The following DLGAP2 variants were observed in gnomAD, a reference collection of about 807,000 sequenced individuals.
The protein encoded by DLGAP2 is disks large-associated protein 2.
In DLGAP2, 26 loss-of-function variants were observed where a neutral mutation model predicts 100.3. The ratio of observed to expected loss-of-function variants is 0.26; its 90% confidence interval spans 0.19 to 0.36. The LOEUF (loss-of-function observed/expected upper bound fraction) is 0.36, where lower values mean the gene tolerates loss of function less well. Among genes scored for constraint, DLGAP2 ranks in the 10% least tolerant of loss-of-function variants. The probability of loss-of-function intolerance (pLI) is 1.00; values close to 1 mark genes in which losing one functional copy is unlikely to be tolerated. For missense variants in DLGAP2, 1,858 were observed against 1,453.2 expected (o/e 1.28, Z -4.53); for synonymous variants, 886 against 630.1 (o/e 1.41, Z -6.08).
At chr8:834,992 G>T (rs1217829163) in intron 1 of DLGAP2, among the ~76,000 whole-genome samples, 2 of 152,216 alleles carry the variant, frequency 1.3e-5, no homozygotes. Flanking sequence ...ATGTTAGTGT[G>T]CACATGTCTA....
chr8:1,340,521 C>T (rs1439676670), intron 3 of DLGAP2, among the ~76,000 whole-genome samples: 3 of 152,214 alleles, frequency 2.0e-5, no homozygotes, highest in Non-Finnish European at 4.4e-5. Context: ...ATCAAAACCA[C>T]CATGAGATGC....
intron 3 of DLGAP2, among the ~76,000 whole-genome samples, chr8:1,424,056 C>T (rs1458951483): frequency 3.3e-5 from 5 of 152,198 alleles, no homozygotes; most frequent in African/African-American, 1.2e-4. Flanking sequence ...GGTTCTCCTC[C>T]TGTGTGAGAT....
At chr8:1,547,741 A>G (rs1801591766) in intron 4 of DLGAP2, among the ~76,000 whole-genome samples, 1 of 152,116 alleles carries the variant, frequency 6.6e-6, no homozygotes, top group Non-Finnish European at 1.5e-5. Context: ...CATTCAGGGA[A>G]AGCCCATCAC....
intron 3 of DLGAP2, among the ~76,000 whole-genome samples, chr8:1,408,253 C>T (rs1246055883): frequency 1.3e-5 from 2 of 152,208 alleles, no homozygotes; most frequent in Non-Finnish European, 2.9e-5. Context: ...CTCCACTTTC[C>T]GCGATGCCAT....
intron 2 of DLGAP2, among the ~76,000 whole-genome samples, chr8:938,951 T>G (rs1799134272): frequency 6.6e-6 from 1 of 152,322 alleles, no homozygotes; most frequent in African/African-American, 2.4e-5. Flanking sequence ...GCATCTGTGC[T>G]AAGGAGGCTG....
At chr8:1,507,321 G>A (rs1367515579) in intron 4 of DLGAP2, among the ~76,000 whole-genome samples, 3 of 151,768 alleles carry the variant, frequency 2.0e-5, no homozygotes, top group Non-Finnish European at 2.9e-5. Flanking sequence ...GCTGAGGCCC[G>A]GGGAGATTTG....
intron 2 of DLGAP2, among the ~76,000 whole-genome samples, chr8:978,970 C>T (rs1056933790): frequency 2.0e-5 from 3 of 152,156 alleles, no homozygotes; most frequent in African/African-American, 7.2e-5. Context: ...GGTAGATCAG[C>T]AAGATTGGTG....
At chr8:862,700 C>A (rs973326517) in intron 1 of DLGAP2, among the ~76,000 whole-genome samples, 3 of 152,144 alleles carry the variant, frequency 2.0e-5, no homozygotes, top group Non-Finnish European at 4.4e-5. Flanking sequence ...GAGAACAGAT[C>A]TTGTCCACCG....
At chr8:1,494,390 C>T (rs1480672499) in intron 3 of DLGAP2, among the ~76,000 whole-genome samples, 1 of 152,202 alleles carries the variant, frequency 6.6e-6, no homozygotes, top group African/African-American at 2.4e-5. Context: ...CCTCCTCTTT[C>T]TTCCCAAACC....
chr8:1,228,626 G>C (rs750692407), intron 2 of DLGAP2, among the ~76,000 whole-genome samples: 2 of 152,118 alleles, frequency 1.3e-5, no homozygotes, highest in African/African-American at 4.8e-5. Flanking sequence ...TTTCAAGTTT[G>C]TTTTGACATC....
chr8:1,352,278 C>T (rs1305050291), intron 3 of DLGAP2, among the ~76,000 whole-genome samples: 1 of 113,212 alleles, frequency 8.8e-6, no homozygotes, highest in African/African-American at 3.3e-5. Flanking sequence ...GTGGAAAGGA[C>T]GTGCGGGTCC....
At chr8:1,690,703 CAAAAAAAAAAAAAA>C (rs71190752) in intron 12 of DLGAP2, among the ~76,000 whole-genome samples, 2 of 62,086 alleles carry the variant, frequency 3.2e-5, no homozygotes, top group African/African-American at 1.1e-4. Flanking sequence ...GACCCTATCT[CAAAAAAAAAAAAAA>C]AAAAAAAAAA....
intron 3 of DLGAP2, among the ~76,000 whole-genome samples, chr8:1,360,872 C>T (rs1174065490): frequency 2.0e-5 from 3 of 152,142 alleles, no homozygotes; most frequent in African/African-American, 4.8e-5. Context: ...GACAGAGACC[C>T]GGGAATGCTC....
chr8:1,441,764 G>A (rs951953624), intron 3 of DLGAP2, among the ~76,000 whole-genome samples: 2 of 149,836 alleles, frequency 1.3e-5, no homozygotes, highest in East Asian at 3.9e-4. Context: ...TTGTGAGAGT[G>A]GGCTTTCAAC....
chr8:1,290,084 G>A (rs530126478), intron 3 of DLGAP2, among the ~76,000 whole-genome samples: 16 of 152,218 alleles, frequency 1.1e-4, no homozygotes, highest in African/African-American at 3.6e-4. Flanking sequence ...TTGGTGTTGG[G>A]AATTTATTCC....
chr8:1,305,330 G>A (rs1447388246), intron 3 of DLGAP2, among the ~76,000 whole-genome samples: 2 of 152,144 alleles, frequency 1.3e-5, no homozygotes, highest in East Asian at 3.9e-4. Context: ...GATATTGTGG[G>A]GCTACTGAAG....
chr8:928,296 G>A (rs1193117894), intron 2 of DLGAP2, among the ~76,000 whole-genome samples: 9 of 152,196 alleles, frequency 5.9e-5, no homozygotes, highest in Non-Finnish European at 1.2e-4. Flanking sequence ...GGTTGAGTGT[G>A]TGTTCACTAG....
rs1798870005 is a variant in DLGAP2 at position 1,678,614 on chromosome 8, G to A, written c.2689G>A (p.Asp897Asn). The change falls in exon 12 of 15, where the codon GAC becomes AAC. Residue 897 changes from aspartate (D) to asparagine (N), a missense_variant. Asp to Asn is a conservative substitution (Grantham distance 23, BLOSUM62 1). Coordinates refer to ENST00000637795, the MANE Select transcript of DLGAP2 (RefSeq NM_001346810.2). Reference sequence around the variant, plus strand: ...GATGGAGAGAGAGGCGGAGGAGAACGACCTCTCGGAGGAAAGTAAGAGCTC... The same window carrying A: ...GATGGAGAGAGAGGCGGAGGAGAACAACCTCTCGGAGGAAAGTAAGAGCTC... ...KEMEREAEEN[D>N]LSEEILGKIR... is the part of the protein sequence containing the mutation. The A allele has an allele frequency of 5.8e-6, 9 of 1,549,074 alleles. No homozygotes were observed. The highest frequency in any genetic ancestry group is 2.7e-5 in the African/African-American group (2 of 73,424).
chr8:1,147,913 C>T (rs1004869077), intron 2 of DLGAP2, among the ~76,000 whole-genome samples: 1 of 152,018 alleles, frequency 6.6e-6, no homozygotes, highest in Admixed American at 6.6e-5. Context: ...TAGTGTTTTT[C>T]TATTTACGTT....
Sources: allele counts gnomAD v4.1 joint callset (sites outside exome capture counted in the v4.1 genomes callset), GRCh38; gene constraint gnomAD v4.1.1; transcripts MANE v1.5; gene names NCBI Gene and HGNC (gene_info 2026-07-23, HGNC 2026-07-21).